Variants in CHD2 observed in about 807,000 individuals in gnomAD.
The protein encoded by CHD2 is chromodomain helicase DNA binding protein 2.
In CHD2, 28 loss-of-function variants were observed where a neutral mutation model predicts 243.9. The ratio of observed to expected loss-of-function variants is 0.11; its 90% CI spans 0.09 to 0.16. CHD2 has a LOEUF of 0.16. CHD2 is among the 10% of genes least tolerant of loss of function. CHD2 has a pLI of 1.00. For synonymous variants in CHD2, 775 were observed against 779.0 expected, an observed-to-expected ratio of 0.99 and a Z score of 0.09; for missense variants, 1,386 against 2,209.8, an observed-to-expected ratio of 0.63 and a Z score of 7.47.
At position 92,912,736 on chromosome 15, in the gene CHD2, A is replaced by G. The variant is rs553728518; in HGVS notation, c.62+11437A>G. ...TTTTAGTAGAGACAGGGGTTTCACT[A>G]TGTTGGCCAGGCTGGTCTCAAACTC... is the stretch of plus-strand genomic sequence containing the variant. On this transcript the variant is annotated intron_variant, in intron 2 of 38. Coordinates refer to ENST00000394196, the MANE Select transcript of CHD2 (RefSeq NM_001271.4). Among the ~76,000 whole-genome samples, 62 of 152,106 alleles carry G rather than the reference A, an allele frequency of 4.1e-4. 1 individual carries two copies. The highest frequency in any genetic ancestry group is 6.6e-4 in the Non-Finnish European group (45 of 67,998).
intron 16 of CHD2, among the ~76,000 whole-genome samples, chr15:92,958,363 C>T (rs929490103): frequency 9.9e-5 from 15 of 152,154 alleles, no homozygotes; most frequent in African/African-American, 3.6e-4. Flanking sequence ...TGTTGAACGT[C>T]TTTTCATGTG....
chr15:92,914,972 C>T (rs1051942180), intron 2 of CHD2: 1 of 152,188 alleles, frequency 6.6e-6, no homozygotes, highest in African/African-American at 2.4e-5. Flanking sequence ...CACTGTCTGT[C>T]TGGGGATTTG....
At position 92,971,931 on chromosome 15, in the gene CHD2, GGTA is replaced by G. The variant is rs775279701; in HGVS notation, c.2352+7_2352+9del. 11 of 1,601,020 alleles carry G rather than the reference GGTA, an allele frequency of 6.9e-6. No individual in the cohort carries two copies. In the Admixed American group the frequency reaches 1.2e-4, roughly 18 times the overall value. On this transcript the variant is annotated splice_donor_5th_base_variant and intron_variant, in intron 18 of 38. Transcript: ENST00000394196. The stretch of plus-strand genomic sequence containing the variant: ...AAATGGACAGGAGATTCTTCTGGTA[GGTA>G]GTTCCTCATAATTACTTTCTCAAAA...
chr15:92,945,779 A>C, intron 10 of CHD2, 42 bp from the exon 11 acceptor site: 1 of 1,308,564 alleles, frequency 7.6e-7, no homozygotes. Flanking sequence ...TTCATTCTTC[A>C]TTGTGTTTAT....
chr15:93,023,887 C>CT (rs2054562788), intron 38 of CHD2, among the ~76,000 whole-genome samples: 1 of 142,166 alleles, frequency 7.0e-6, no homozygotes, highest in South Asian at 2.2e-4. Flanking sequence ...TTTAGTAATT[C>CT]TTTTTTTAAT....
intron 2 of CHD2, chr15:92,904,620 T>C: frequency 2.5e-6 from 3 of 1,178,446 alleles, no homozygotes; most frequent in Non-Finnish European, 3.2e-6. Context: ...CTTTTGCCCA[T>C]TTCCGGGAAT....
intron 24 of CHD2, among the ~76,000 whole-genome samples, chr15:92,983,146 T>C (rs1302342486): frequency 6.6e-6 from 1 of 152,074 alleles, no homozygotes; most frequent in Admixed American, 6.5e-5. Context: ...ACACCTTACA[T>C]TGGGAGTTAG....
chr15:92,991,574 C>A, intron 27 of CHD2, 57 bp downstream of exon 27: 1 of 1,302,196 alleles, frequency 7.7e-7, no homozygotes, highest in Non-Finnish European at 1.1e-6. Context: ...TTATATAGTA[C>A]GTTCTTTTTT....
intron 3 of CHD2, among the ~76,000 whole-genome samples, chr15:92,925,901 A>G (rs1229499458): frequency 6.6e-6 from 1 of 152,090 alleles, no homozygotes; most frequent in Admixed American, 6.6e-5. Flanking sequence ...AGCTTACTTC[A>G]TCATTTTTAT....
intron 2 of CHD2, among the ~76,000 whole-genome samples, chr15:92,914,047 C>T (rs2052789811): frequency 6.6e-6 from 1 of 152,140 alleles, no homozygotes; most frequent in Non-Finnish European, 1.5e-5. Flanking sequence ...CTCCTTTGAA[C>T]TTTGGGAGTT....
chr15:92,912,564 C>T (rs952779637), intron 2 of CHD2, among the ~76,000 whole-genome samples: 1 of 152,174 alleles, frequency 6.6e-6, no homozygotes, highest in Non-Finnish European at 1.5e-5. Flanking sequence ...GACGGAGTCT[C>T]GCTTTGTTGC....
chr15:92,907,786 T>G (rs1196057261), intron 2 of CHD2, among the ~76,000 whole-genome samples: 2 of 152,170 alleles, frequency 1.3e-5, no homozygotes, highest in Non-Finnish European at 2.9e-5. Flanking sequence ...GTTATTTTAT[T>G]CTTACTGTTT....
chr15:92,946,238 GT>G (rs2053465260), intron 12 of CHD2, 22 bp downstream of exon 12: 6 of 1,584,208 alleles, frequency 3.8e-6, no homozygotes, highest in Non-Finnish European at 4.3e-6. Flanking sequence ...GTTGGCTTTT[GT>G]TTTTTCAGGG....
intron 17 of CHD2, among the ~76,000 whole-genome samples, chr15:92,970,319 A>T (rs1408223411): frequency 6.6e-6 from 1 of 152,106 alleles, no homozygotes; most frequent in Non-Finnish European, 1.5e-5. Context: ...CTCCTGCCTC[A>T]GCCTCCCGAC....
intron 20 of CHD2, among the ~76,000 whole-genome samples, chr15:92,976,022 A>G (rs1190854256): frequency 1.3e-5 from 2 of 152,220 alleles, no homozygotes; most frequent in African/African-American, 4.8e-5. Context: ...TCTGAGGATT[A>G]AATTTGGTAA....
intron 2 of CHD2, among the ~76,000 whole-genome samples, chr15:92,911,049 A>G (rs184307041): frequency 6.6e-6 from 1 of 152,336 alleles, no homozygotes; most frequent in East Asian, 1.9e-4. Flanking sequence ...TTACAGTCTT[A>G]TGGGATCACT....
intron 26 of CHD2, among the ~76,000 whole-genome samples, chr15:92,986,283 A>AT (rs565686878): frequency 1.3e-5 from 2 of 151,876 alleles, no homozygotes; most frequent in South Asian, 2.1e-4. Context: ...CTTACAAATT[A>AT]TTTTTTTTCC....
At chr15:92,938,285 G>A (rs948858600) in intron 6 of CHD2, among the ~76,000 whole-genome samples, 7 of 152,148 alleles carry the variant, frequency 4.6e-5, no homozygotes, top group Non-Finnish European at 8.8e-5. Context: ...CTCCAATTAA[G>A]TGAAATGTTA....
At chr15:92,945,997 T>C (rs1172478855) in intron 11 of CHD2, 41 bp from the exon 12 acceptor site, 2 of 1,524,962 alleles carry the variant, frequency 1.3e-6, no homozygotes, top group Non-Finnish European at 1.8e-6. Flanking sequence ...TCACTTTTAA[T>C]TGACAGTTGC....
Sources: gnomAD v4.1 joint callset for allele counts (sites outside exome capture counted in the v4.1 genomes callset) on GRCh38, gnomAD v4.1.1 for gene constraint, MANE v1.5 for transcripts, NCBI Gene and HGNC (gene_info 2026-07-23, HGNC 2026-07-21) for gene names.